MGAT4C: variants seen among roughly 807,000 people sequenced by gnomAD.
The protein encoded by MGAT4C is alpha-1,3-mannosyl-glycoprotein 4-beta-N-acetylglucosaminyltransferase C.
In MGAT4C, 19 loss-of-function variants were observed where a neutral mutation model predicts 40.1. The ratio of observed to expected loss-of-function variants is 0.47; its 90% CI spans 0.33 to 0.70. MGAT4C has a LOEUF of 0.70. Ranked by LOEUF, MGAT4C falls within the 30% of genes least tolerant of loss-of-function variation. The pLI is 0.02. For synonymous variants in MGAT4C, 181 were observed against 187.1 expected (o/e 0.97, Z 0.27); for missense variants, 491 against 563.2 (o/e 0.87, Z 1.30).
Position 85,964,400 on chromosome 12 carries a change from TG to T in MGAT4C, c.*14888del, listed in dbSNP as rs2136647454. The stretch of plus-strand genomic sequence containing the variant: ...CACAGAACACATAGAATGTTAGTTT[TG>T]TAGAAAATTTTAGAGATTTTAATAC... On this transcript the variant is annotated 3_prime_UTR_variant, in exon 5 of 5. Coordinates refer to ENST00000611864, the MANE Select transcript of MGAT4C (RefSeq NM_001351288.2). 6.6e-6 allele frequency: 1 copy of T among 152,282 alleles called. No homozygotes were observed. The highest frequency in any genetic ancestry group is 6.5e-5 in the Admixed American group (1 of 15,292). The allele number at this position is 152,282 out of a possible 1,614,324, so 9.4% of individuals were successfully genotyped here.
At chr12:86,502,718 T>C (rs189939038) in intron 2 of MGAT4C, among the ~76,000 whole-genome samples, 4 of 144,798 alleles carry the variant, frequency 2.8e-5, no homozygotes, top group Non-Finnish European at 6.1e-5. Flanking sequence ...CTCATATATA[T>C]ATACACGAGT....
intron 2 of MGAT4C, among the ~76,000 whole-genome samples, chr12:86,611,456 T>TA (rs1555210960): frequency 6.3e-4 from 90 of 143,648 alleles, no homozygotes; most frequent in South Asian, 2.5e-3. Context: ...GATAGATAGA[T>TA]GATAGATAGA....
intron 2 of MGAT4C, among the ~76,000 whole-genome samples, chr12:86,537,792 A>G (rs1959099834): frequency 6.6e-6 from 1 of 151,692 alleles, no homozygotes; most frequent in African/African-American, 2.4e-5. Flanking sequence ...GTTGATACAA[A>G]TAATTTTTTT....
intron 1 of MGAT4C, among the ~76,000 whole-genome samples, chr12:86,798,805 T>C (rs1162841228): frequency 6.6e-6 from 1 of 151,898 alleles, no homozygotes; most frequent in Non-Finnish European, 1.5e-5. Context: ...GTGTGTAAGG[T>C]CTTGAAGAAA....
chr12:86,334,077 G>A, exon 4 of MGAT4C: 1 of 152,124 alleles, frequency 6.6e-6, no homozygotes, highest in South Asian at 2.1e-4. Flanking sequence ...TTTAGTTTCT[G>A]TAGAGATAGC....
rs1884318325 is a variant in MGAT4C, at chr12:85,979,705, G to A, written c.1021C>T (p.Pro341Ser). 2 of 1,613,214 alleles carry A rather than the reference G, an allele frequency of 1.2e-6. No individual in the cohort carries two copies. The highest frequency in any genetic ancestry group is 8.5e-7 in the Non-Finnish European group (1 of 1,179,756). The part of the protein sequence containing the change: ...EEESFDIPDN[P>S]PASLYTNMNV... The stretch of plus-strand genomic sequence containing the variant: ...ATGTTGGTGTACAGACTTGCAGGGG[G>A]GTTATCAGGAATGTCAAATGACTCC... The change falls in exon 5 of 5, where the codon CCC becomes TCC. Residue 341 changes from proline to serine, a missense_variant. Physicochemically the swap from Pro to Ser is moderately conservative, Grantham distance 74. Coordinates refer to ENST00000611864, the MANE Select transcript of MGAT4C (RefSeq NM_001351288.2).
At chr12:86,599,593 T>C (rs1961686445) in intron 2 of MGAT4C, 1 of 152,188 alleles carries the variant, frequency 6.6e-6, no homozygotes, top group Non-Finnish European at 1.5e-5. Context: ...TATAGTGCTT[T>C]ACAGTCTAAA....
chr12:86,226,714 T>C (rs1951094415), intron 1 of MGAT4C, among the ~76,000 whole-genome samples: 1 of 151,996 alleles, frequency 6.6e-6, no homozygotes, highest in Admixed American at 6.6e-5. Context: ...CTTTATGATC[T>C]GATTTCATCT....
intron 1 of MGAT4C, among the ~76,000 whole-genome samples, chr12:86,731,347 T>C (rs1030450): frequency 0.98 from 148,554 of 152,176 alleles, 72,593 homozygotes; most frequent in Middle Eastern, 1. Flanking sequence ...CTCTTACTTC[T>C]TTCACAGTGG....
intron 2 of MGAT4C, among the ~76,000 whole-genome samples, chr12:86,561,460 T>A (rs546507961): frequency 6.6e-6 from 1 of 152,196 alleles, no homozygotes; most frequent in South Asian, 2.1e-4. Flanking sequence ...AGAGCAGACA[T>A]GCTGAGTTTT....
At chr12:86,508,053 A>AT (rs199857655) in intron 2 of MGAT4C, among the ~76,000 whole-genome samples, 1 of 147,960 alleles carries the variant, frequency 6.8e-6, no homozygotes, top group Admixed American at 6.8e-5. Context: ...TGTCTTTAAT[A>AT]TTTTTTTATT....
At chr12:86,741,486 A>T (rs575871201) in intron 1 of MGAT4C, among the ~76,000 whole-genome samples, 1 of 151,512 alleles carries the variant, frequency 6.6e-6, no homozygotes, top group Non-Finnish European at 1.5e-5. Flanking sequence ...GTGGCTTAGA[A>T]ATATTAATTT....
At chr12:86,758,491 A>C (rs1050455312) in intron 1 of MGAT4C, among the ~76,000 whole-genome samples, 1 of 151,744 alleles carries the variant, frequency 6.6e-6, no homozygotes, top group African/African-American at 2.4e-5. Flanking sequence ...TCGTTGCCTA[A>C]CTTTTTGAGA....
At chr12:86,766,072 C>T (rs1254391494) in intron 1 of MGAT4C, among the ~76,000 whole-genome samples, 5 of 152,040 alleles carry the variant, frequency 3.3e-5, no homozygotes, top group Admixed American at 3.3e-4. Flanking sequence ...CACAGACTGG[C>T]AAATTGGATA....
chr12:86,485,608 T>C (rs1958007232), intron 2 of MGAT4C, among the ~76,000 whole-genome samples: 2 of 152,290 alleles, frequency 1.3e-5, no homozygotes, highest in South Asian at 4.1e-4. Context: ...TTTTACTCCC[T>C]GGCATTCTTG....
chr12:86,821,914 ATAT>A (rs1566014660), intron 1 of MGAT4C, among the ~76,000 whole-genome samples: 1 of 151,060 alleles, frequency 6.6e-6, no homozygotes, highest in African/African-American at 2.4e-5. Flanking sequence ...CACTACAGCT[ATAT>A]TATTATAACG....
intron 1 of MGAT4C, among the ~76,000 whole-genome samples, chr12:86,772,726 T>C (rs879453733): frequency 1.6e-4 from 24 of 152,350 alleles, no homozygotes; most frequent in Middle Eastern, 3.4e-3. Flanking sequence ...TACTAGCTTT[T>C]GGACTTGCTT....
intron 2 of MGAT4C, among the ~76,000 whole-genome samples, chr12:86,455,740 G>T (rs1405177934): frequency 6.6e-6 from 1 of 152,040 alleles, no homozygotes; most frequent in Non-Finnish European, 1.5e-5. Flanking sequence ...AAAAATGTGG[G>T]ATAACTTTGC....
At position 86,600,275 on chromosome 12, in the gene MGAT4C, G is replaced by C. The variant is rs141828937; in HGVS notation, c.-229+126934C>G. 7.5e-4 allele frequency among the ~76,000 whole-genome samples: 114 copies of C among 152,264 alleles called. 1 individual carries two copies. The East Asian group carries it at 0.018, about 24-fold the overall frequency. The stretch of plus-strand genomic sequence containing the variant: ...AACTGAAAGCCTATTAGTGTGACTG[G>C]AGCACAATGAAATAAGAAAGAAAGG... On this transcript the variant is annotated intron_variant, in intron 2 of 7. Transcript: ENST00000548651.
Sources: allele counts gnomAD v4.1 joint callset (sites outside exome capture counted in the v4.1 genomes callset), GRCh38; gene constraint gnomAD v4.1.1; transcripts MANE v1.5; gene names NCBI Gene and HGNC (gene_info 2026-07-23, HGNC 2026-07-21).